SAXO1: variants seen among roughly 807,000 people sequenced by gnomAD.
The protein encoded by SAXO1 is stabilizer of axonemal microtubules 1, also known as 4930500O09Rik.
In SAXO1, 21 loss-of-function variants were observed where a neutral mutation model predicts 17.5. That is an observed-to-expected ratio of 1.20 (90% CI 0.85 to 1.72). The LOEUF (loss-of-function observed/expected upper bound fraction) is 1.72, where lower values mean the gene tolerates loss of function less well. SAXO1 is among the 40% of genes most tolerant of loss of function. SAXO1 has a pLI of 0.00. For synonymous variants in SAXO1, 274 were observed against 216.5 expected (o/e 1.27, Z -2.33); for missense variants, 843 against 596.0 (o/e 1.41, Z -4.32).
chr9:18,933,540 G>C (rs1430667567), intron 3 of SAXO1, among the ~76,000 whole-genome samples: 1 of 151,994 alleles, frequency 6.6e-6, no homozygotes, highest in Non-Finnish European at 1.5e-5. Flanking sequence ...TTCCCTTTTA[G>C]CCTGAAGGAT....
chr9:18,982,916 T>A (rs1454604524), intron 1 of SAXO1, among the ~76,000 whole-genome samples: 3 of 152,182 alleles, frequency 2.0e-5, no homozygotes, highest in Non-Finnish European at 4.4e-5. Context: ...ACAAGGTAAT[T>A]GTTTTGATAG....
chr9:18,962,841 G>A (rs886525932), intron 1 of SAXO1, among the ~76,000 whole-genome samples: 7 of 152,212 alleles, frequency 4.6e-5, no homozygotes, highest in Admixed American at 1.3e-4. Flanking sequence ...TGTCGCCATT[G>A]CTTTTGGTGT....
At chr9:18,933,631 G>A (rs189203727) in intron 3 of SAXO1, among the ~76,000 whole-genome samples, 61 of 152,156 alleles carry the variant, frequency 4.0e-4, no homozygotes, top group Non-Finnish European at 4.1e-4. Flanking sequence ...CTTCATTATT[G>A]AATCATAATA....
At chr9:19,027,874 C>T (rs1588559051) in intron 1 of SAXO1, 2 of 1,358,948 alleles carry the variant, frequency 1.5e-6, no homozygotes. Context: ...GCTAGGGCGG[C>T]CTGGACCGCA....
rs1409140761 is a variant in SAXO1 at position 18,941,836 on chromosome 9, T to G, written c.222A>C (p.Arg74Ser). 8.7e-6 allele frequency: 14 copies of G among 1,613,956 alleles called. No homozygotes were observed. Among genetic ancestry groups the G allele is most frequent in the Admixed American group, 1.7e-5 (1 of 59,990 alleles). The change falls in exon 3 of 4, where the codon AGA (arginine) becomes AGC (serine). Residue 74 changes from arginine (R) to serine (S), a missense_variant. Coordinates refer to ENST00000380534, the MANE Select transcript of SAXO1 (RefSeq NM_153707.4). ...GTGCCACTTTGTGAGGCCCAAAATCTCTCCTGTAAGGAAGCAAGTGCATGC... is the reference window on the plus strand; with the variant it reads ...GTGCCACTTTGTGAGGCCCAAAATCGCTCCTGTAAGGAAGCAAGTGCATGC... ...IPMEGLTTSRRDFGPHKVAPV... is the reference protein window; with the variant it reads ...IPMEGLTTSRSDFGPHKVAPV...
chr9:19,039,393 TG>T (rs1335317148), intron 1 of SAXO1, among the ~76,000 whole-genome samples: 2 of 152,186 alleles, frequency 1.3e-5, no homozygotes, highest in Non-Finnish European at 2.9e-5. Context: ...TGTTAAAAGA[TG>T]GGAGTTAAAG....
intron 2 of SAXO1, among the ~76,000 whole-genome samples, chr9:18,946,198 C>T (rs896302600): frequency 2.0e-5 from 3 of 146,406 alleles, no homozygotes; most frequent in African/African-American, 7.8e-5. Context: ...ATCGCTTGAA[C>T]TCGGGAGGAG....
At chr9:18,993,395 G>A (rs1038831623) in intron 1 of SAXO1, among the ~76,000 whole-genome samples, 2 of 151,374 alleles carry the variant, frequency 1.3e-5, no homozygotes, top group Non-Finnish European at 2.9e-5. Context: ...GATCATGCTT[G>A]CTATGTGGCC....
intron 1 of SAXO1, among the ~76,000 whole-genome samples, chr9:19,000,918 G>T (rs1416089099): frequency 6.6e-6 from 1 of 152,032 alleles, no homozygotes; most frequent in Non-Finnish European, 1.5e-5. Flanking sequence ...CCCAATACAG[G>T]AGCACCCAGA....
At chr9:18,961,568 A>T (rs1453533668) in intron 1 of SAXO1, among the ~76,000 whole-genome samples, 2 of 150,814 alleles carry the variant, frequency 1.3e-5, no homozygotes, top group Non-Finnish European at 2.9e-5. Flanking sequence ...ACTCCCACTT[A>T]TGAGTGGGAA....
intron 1 of SAXO1, among the ~76,000 whole-genome samples, chr9:18,952,794 G>A (rs1832085344): frequency 6.6e-6 from 1 of 152,160 alleles, no homozygotes; most frequent in Admixed American, 6.5e-5. Flanking sequence ...ATACAATCAA[G>A]AAAAGTGTGC....
upstream of SAXO1, chr9:19,033,377 T>C (rs1371144535): frequency 1.9e-5 from 3 of 161,156 alleles, no homozygotes; most frequent in Non-Finnish European, 4.0e-5. Context: ...CGGTGAACCT[T>C]GGAAAAACCT....
At chr9:19,002,465 C>G (rs2130962036) in intron 1 of SAXO1, among the ~76,000 whole-genome samples, 1 of 152,332 alleles carries the variant, frequency 6.6e-6, no homozygotes, top group Non-Finnish European at 1.5e-5. Flanking sequence ...AGGCCAATAT[C>G]CCTGATGAAC....
chr9:18,946,888 C>A (rs549803936), intron 2 of SAXO1, among the ~76,000 whole-genome samples: 98 of 152,112 alleles, frequency 6.4e-4, no homozygotes, highest in African/African-American at 2.2e-3. Context: ...GCCTTAATCA[C>A]AAAATGGAGA....
intron 1 of SAXO1, among the ~76,000 whole-genome samples, chr9:19,008,840 T>A (rs755721947): frequency 6.0e-4 from 92 of 152,262 alleles, no homozygotes; most frequent in East Asian, 1.2e-3. Flanking sequence ...AGCAACTGTG[T>A]CTGGCAAACA....
intron 1 of SAXO1, among the ~76,000 whole-genome samples, chr9:18,954,326 A>T (rs546001456): frequency 1.3e-4 from 20 of 151,532 alleles, no homozygotes; most frequent in African/African-American, 4.8e-4. Context: ...ATTGGCTCCA[A>T]GCTAGAATCA....
At chr9:19,021,471 G>A (rs962452452) in intron 1 of SAXO1, among the ~76,000 whole-genome samples, 1 of 152,190 alleles carries the variant, frequency 6.6e-6, no homozygotes, top group Non-Finnish European at 1.5e-5. Context: ...GTCGCCAGCA[G>A]AGGCTGTAGA....
At chr9:18,960,183 A>G (rs1386505266) in intron 1 of SAXO1, among the ~76,000 whole-genome samples, 1 of 151,952 alleles carries the variant, frequency 6.6e-6, no homozygotes, top group African/African-American at 2.4e-5. Flanking sequence ...AATTAGAGAA[A>G]CCTCTTCAAG....
chr9:19,003,141 C>G lies in SAXO1; in HGVS notation c.38+29730G>C, dbSNP rs149085005. 1.6e-3 allele frequency among the ~76,000 whole-genome samples: 238 copies of G among 152,306 alleles called. 2 individuals are homozygous for G. The highest frequency in any genetic ancestry group is 0.011 in the Admixed American group (173 of 15,302). ...CAAATCATGAGTGAACTCCCATTCA[C>G]TATTACTACAAAGAGAATAAAATAC... On this transcript the variant is annotated intron_variant, in intron 1 of 3. Transcript: ENST00000380534.
Sources: allele counts gnomAD v4.1 joint callset (sites outside exome capture counted in the v4.1 genomes callset), GRCh38; gene constraint gnomAD v4.1.1; transcripts MANE v1.5; gene names NCBI Gene and HGNC (gene_info 2026-07-23, HGNC 2026-07-21).